Variants in RIMBP2 observed in about 807,000 individuals in gnomAD.
RIMBP2 encodes the protein RIMS binding protein 2.
Under a neutral mutation model 118.6 loss-of-function variants are expected in RIMBP2, and 48 were observed. That is an observed-to-expected ratio of 0.40 (90% CI 0.32 to 0.51). RIMBP2 has a LOEUF of 0.51. Ranked by LOEUF, RIMBP2 falls within the 20% of genes least tolerant of loss-of-function variation. The probability of loss-of-function intolerance (pLI) is 0.41; values close to 1 mark genes in which losing one functional copy is unlikely to be tolerated. For missense variants in RIMBP2, 1,551 were observed against 1,768.3 expected, an observed-to-expected ratio of 0.88 and a Z score of 2.20; for synonymous variants, 762 against 742.9, an observed-to-expected ratio of 1.03 and a Z score of -0.42.
At chr12:130,485,177 C>T (rs536167718) in intron 4 of RIMBP2, among the ~76,000 whole-genome samples, 3 of 152,292 alleles carry the variant, frequency 2.0e-5, no homozygotes, top group East Asian at 1.9e-4. Context: ...CAGCTACCGC[C>T]GCATTGGTAA....
intron 19 of RIMBP2, among the ~76,000 whole-genome samples, chr12:130,411,743 T>G (rs2075733416): frequency 6.6e-6 from 1 of 152,194 alleles, no homozygotes; most frequent in South Asian, 2.1e-4. Context: ...CTCATGGATT[T>G]AATGTGGGCG....
At chr12:130,557,603 C>G (rs1180121842) in intron 2 of RIMBP2, among the ~76,000 whole-genome samples, 1 of 152,138 alleles carries the variant, frequency 6.6e-6, no homozygotes, top group Non-Finnish European at 1.5e-5. Flanking sequence ...GAGCTGTGCC[C>G]GAACTCTTGA....
intron 12 of RIMBP2, among the ~76,000 whole-genome samples, chr12:130,438,109 C>A (rs943152331): frequency 1.3e-5 from 2 of 152,174 alleles, no homozygotes; most frequent in Non-Finnish European, 2.9e-5. Context: ...CACTAGGGGT[C>A]CCCTCTCTGG....
At chr12:130,455,212 G>A (rs745654548) in intron 7 of RIMBP2, among the ~76,000 whole-genome samples, 19 of 152,234 alleles carry the variant, frequency 1.2e-4, no homozygotes, top group Non-Finnish European at 2.4e-4. Flanking sequence ...TGGGAAGAAC[G>A]GAAACCGTCT....
intron 6 of RIMBP2, among the ~76,000 whole-genome samples, chr12:130,464,218 G>A (rs373079485): frequency 3.3e-5 from 5 of 152,190 alleles, no homozygotes; most frequent in South Asian, 2.1e-4. Flanking sequence ...ACTGGCTTTC[G>A]CCTTCCTCTA....
chr12:130,672,937 AT>A (rs1269084209), intron 1 of RIMBP2, among the ~76,000 whole-genome samples: 1 of 152,184 alleles, frequency 6.6e-6, no homozygotes, highest in African/African-American at 2.4e-5. Flanking sequence ...CTCTGCCCAA[AT>A]TCCTTCATTC....
chr12:130,578,958 AG>A lies in RIMBP2; in HGVS notation c.-217+49363del, dbSNP rs1472714505. Among the ~76,000 whole-genome samples the A allele has an allele frequency of 6.6e-6, 1 of 152,202 alleles. No homozygotes were observed. The highest frequency in any genetic ancestry group is 1.5e-5 in the Non-Finnish European group (1 of 68,052). ...ATACAAATCAAGTGGGATTAAAAAA[AG>A]ATGAGAAGTTGTCTCACATCCATTG... is the stretch of plus-strand genomic sequence containing the variant. On this transcript the variant is annotated intron_variant, in intron 2 of 22. Transcript: ENST00000690449. This position sits in a 1 kb window ranked among gnomAD's most constrained non-coding sequence, Gnocchi z 4.1.
chr12:130,512,877 T>C (rs183673564), intron 3 of RIMBP2, among the ~76,000 whole-genome samples: 1 of 152,310 alleles, frequency 6.6e-6, no homozygotes, highest in East Asian at 1.9e-4. Flanking sequence ...GAGAATAATA[T>C]TCAGCTGCAA....
intron 1 of RIMBP2, among the ~76,000 whole-genome samples, chr12:130,689,238 G>T (rs1293274022): frequency 1.3e-5 from 2 of 152,076 alleles, no homozygotes; most frequent in Non-Finnish European, 2.9e-5. Flanking sequence ...TTCGAGCCCA[G>T]CCTGGCCGAT....
chr12:130,495,822 A>T (rs2049095637), intron 4 of RIMBP2, among the ~76,000 whole-genome samples: 1 of 152,188 alleles, frequency 6.6e-6, no homozygotes, highest in African/African-American at 2.4e-5. Context: ...AAGGTACTTT[A>T]TGGCCACTTT....
intron 3 of RIMBP2, among the ~76,000 whole-genome samples, chr12:130,509,006 G>A (rs2050634789): frequency 6.6e-6 from 1 of 152,036 alleles, no homozygotes; most frequent in Non-Finnish European, 1.5e-5. Flanking sequence ...CTTGCCCAGT[G>A]GAAGACATGA....
In RIMBP2 at chr12:130,578,547, G is replaced by A. The variant is rs977471162; in HGVS notation, c.-217+49775C>T. ...CGTACATGCCTGTGTTCTGTTTCTC[G>A]ATCATAGCAAACTTGCTCCAGCCTT... On this transcript the variant is annotated intron_variant, in intron 2 of 22. Transcript: ENST00000690449. The surrounding 1 kb of genome is among the most constrained non-coding windows in gnomAD (Gnocchi z 4.1). 3.9e-5 allele frequency among the ~76,000 whole-genome samples: 6 copies of A among 152,166 alleles called. No homozygotes were observed. The highest frequency in any genetic ancestry group is 7.4e-5 in the Non-Finnish European group (5 of 68,026).
intron 2 of RIMBP2, among the ~76,000 whole-genome samples, chr12:130,543,544 C>T (rs1168309066): frequency 3.3e-5 from 5 of 152,068 alleles, no homozygotes; most frequent in African/African-American, 4.8e-5. Flanking sequence ...AGCTTGGGGA[C>T]TCAAAGCTCT....
intron 2 of RIMBP2, among the ~76,000 whole-genome samples, chr12:130,562,407 G>A (rs1028439742): frequency 1.3e-5 from 2 of 152,218 alleles, no homozygotes; most frequent in Non-Finnish European, 2.9e-5. Flanking sequence ...TTGATCCAGG[G>A]ACCCTACCTG....
At chr12:130,715,201 G>A (rs372964109) in intron 1 of RIMBP2, among the ~76,000 whole-genome samples, 2 of 152,350 alleles carry the variant, frequency 1.3e-5, no homozygotes, top group Admixed American at 6.5e-5. Context: ...GCTCCTCCGT[G>A]AGAGAAATAT....
In RIMBP2 at chr12:130,475,638, A is replaced by G. The variant is rs1238803875; in HGVS notation, c.102+3274T>C. Among the ~76,000 whole-genome samples the G allele has an allele frequency of 6.6e-6, 1 of 152,104 alleles. No individual in the cohort carries two copies. The highest frequency in any genetic ancestry group is 2.4e-5 in the African/African-American group (1 of 41,420). On this transcript the variant is annotated intron_variant, in intron 5 of 22. Coordinates refer to ENST00000690449, the MANE Select transcript of RIMBP2 (RefSeq NM_001393629.1). This position sits in a 1 kb window ranked among gnomAD's most constrained non-coding sequence, Gnocchi z 4.1. ...GCGGGCGTCTCCAAGGGGAAAATGG[A>G]ATCAGAAGCCCCCCAGAGGACTGAG...
At chr12:130,698,280 C>T (rs1462128769) in intron 1 of RIMBP2, among the ~76,000 whole-genome samples, 1 of 152,190 alleles carries the variant, frequency 6.6e-6, no homozygotes, top group Non-Finnish European at 1.5e-5. Context: ...GAACCCGCCT[C>T]CATCTGACTC....
At chr12:130,470,429 A>C in intron 6 of RIMBP2, 1 of 356,200 alleles carries the variant, frequency 2.8e-6, no homozygotes, top group Non-Finnish European at 5.0e-6. Flanking sequence ...CATCTGAGAC[A>C]CACAGTTCTG....
At chr12:130,600,564 C>G (rs2059815234) in intron 2 of RIMBP2, among the ~76,000 whole-genome samples, 2 of 152,142 alleles carry the variant, frequency 1.3e-5, no homozygotes, top group Admixed American at 1.3e-4. Context: ...ATGTCAGCCC[C>G]AACAGAACCT....
Sources: allele counts gnomAD v4.1 joint callset (sites outside exome capture counted in the v4.1 genomes callset), GRCh38; gene constraint gnomAD v4.1.1; non-coding constraint Gnocchi (gnomAD v3.1); transcripts MANE v1.5; gene names NCBI Gene and HGNC (gene_info 2026-07-23, HGNC 2026-07-21).